CARMIL1: variants seen among roughly 807,000 people sequenced by gnomAD.
CARMIL1 encodes F-actin-uncapping protein LRRC16A.
Under a neutral mutation model 177.1 loss-of-function variants are expected in CARMIL1, and 90 were observed. That is an observed-to-expected ratio of 0.51 (90% confidence interval 0.43 to 0.61). The LOEUF (loss-of-function observed/expected upper bound fraction) is 0.61. Ranked by LOEUF, CARMIL1 falls within the 20% of genes least tolerant of loss-of-function variation. The probability of loss-of-function intolerance (pLI) is 0.00; values close to 1 mark genes in which losing one functional copy is unlikely to be tolerated. For missense variants in CARMIL1, 1,380 were observed against 1,667.0 expected, an observed-to-expected ratio of 0.83 and a Z score of 3.00; for synonymous variants, 577 against 606.2, an observed-to-expected ratio of 0.95 and a Z score of 0.71.
chr6:25,462,352 G>C (rs1800202379), intron 8 of CARMIL1, among the ~76,000 whole-genome samples: 1 of 152,040 alleles, frequency 6.6e-6, no homozygotes, highest in Non-Finnish European at 1.5e-5. Flanking sequence ...TGGTTGTCTT[G>C]ATTAGCACCC....
At chr6:25,315,861 C>T (rs1784235023) in intron 2 of CARMIL1, among the ~76,000 whole-genome samples, 1 of 152,200 alleles carries the variant, frequency 6.6e-6, no homozygotes, top group South Asian at 2.1e-4. Flanking sequence ...AGCGTCATTG[C>T]CAATACTTGG....
chr6:25,375,345 G>A (rs934676822), intron 2 of CARMIL1, among the ~76,000 whole-genome samples: 19 of 152,136 alleles, frequency 1.2e-4, no homozygotes, highest in African/African-American at 1.9e-4. Flanking sequence ...AGGTTTCTGC[G>A]GAGAAGTCTG....
In CARMIL1 at chr6:25,284,043, G is replaced by A. The variant is rs138290260; in HGVS notation, c.41-769G>A. 4.9e-3 allele frequency among the ~76,000 whole-genome samples: 744 copies of A among 152,088 alleles called. 7 individuals carry two copies. Among genetic ancestry groups the A allele is most frequent in the African/African-American group, 0.015 (609 of 41,472 alleles). On this transcript the variant is annotated intron_variant, in intron 1 of 36. Coordinates refer to ENST00000329474, the MANE Select transcript of CARMIL1 (RefSeq NM_017640.6). ...CGGTTCTGTTCTGTTTTGTTTTGCC[G>A]TATTCCCCAAACATCATGTCAAGAC...
chr6:25,332,440 G>A (rs1207711966), intron 2 of CARMIL1, among the ~76,000 whole-genome samples: 1 of 151,918 alleles, frequency 6.6e-6, no homozygotes, highest in Non-Finnish European at 1.5e-5. Flanking sequence ...TAGAGAAGTG[G>A]GTGAGTTCTG....
At chr6:25,293,775 G>A (rs985869274) in intron 2 of CARMIL1, among the ~76,000 whole-genome samples, 4 of 151,324 alleles carry the variant, frequency 2.6e-5, no homozygotes, top group Admixed American at 6.6e-5. Context: ...AGGCTGATGT[G>A]CAGTGGCATG....
chr6:25,317,726 A>G (rs555608452), intron 2 of CARMIL1, among the ~76,000 whole-genome samples: 1 of 146,948 alleles, frequency 6.8e-6, no homozygotes, highest in Non-Finnish European at 1.5e-5. Context: ...TGGGCTAATT[A>G]AAAAAAAAAA....
intron 2 of CARMIL1, among the ~76,000 whole-genome samples, chr6:25,391,383 GA>G (rs1434900159): frequency 6.6e-6 from 1 of 152,172 alleles, no homozygotes; most frequent in African/African-American, 2.4e-5. Context: ...TCTATCCTAG[GA>G]TATGGTGGTG....
intron 2 of CARMIL1, among the ~76,000 whole-genome samples, chr6:25,367,739 C>T (rs1254654245): frequency 2.0e-5 from 3 of 152,110 alleles, no homozygotes; most frequent in Admixed American, 6.5e-5. Flanking sequence ...ATCTACAGAC[C>T]ACCTCTCCTG....
intron 28 of CARMIL1, among the ~76,000 whole-genome samples, chr6:25,555,321 T>C (rs1323328375): frequency 6.6e-6 from 1 of 152,172 alleles, no homozygotes. Flanking sequence ...AAGAGCTACA[T>C]GATTGTTTAG....
At chr6:25,513,321 A>G (rs1225294569) in intron 20 of CARMIL1, among the ~76,000 whole-genome samples, 1 of 152,122 alleles carries the variant, frequency 6.6e-6, no homozygotes, top group Non-Finnish European at 1.5e-5. Flanking sequence ...TGTATGTAGG[A>G]TGTTAAGAAA....
At chr6:25,517,540 G>A in intron 22 of CARMIL1, 125 bp downstream of exon 22, 1 of 679,474 alleles carries the variant, frequency 1.5e-6, no homozygotes, top group South Asian at 1.9e-5. Context: ...TCTGAATTTA[G>A]TCTACAGCTA....
intron 2 of CARMIL1, among the ~76,000 whole-genome samples, chr6:25,380,008 T>TTTTTTTTTTTTTTTTTTTTTTTTTGAG (rs1581738733): frequency 6.6e-6 from 1 of 152,070 alleles, no homozygotes; most frequent in African/African-American, 2.4e-5. Flanking sequence ...TTCTGCTCTT[T>TTTTTTTTTTTTTTTTTTTTTTTTTGAG]AAGGACTCTC....
chr6:25,445,539 T>TC (rs904565156), intron 5 of CARMIL1, among the ~76,000 whole-genome samples: 1 of 150,274 alleles, frequency 6.7e-6, no homozygotes, highest in African/African-American at 2.4e-5. Flanking sequence ...TATATTTCTT[T>TC]TTTTTTTTTT....
intron 2 of CARMIL1, among the ~76,000 whole-genome samples, chr6:25,378,601 CCTT>C (rs1406806993): frequency 2.0e-5 from 3 of 152,110 alleles, no homozygotes; most frequent in African/African-American, 7.2e-5. Flanking sequence ...CAGTGCTACT[CCTT>C]CTCATATACT....
At chr6:25,456,972 T>A (rs1427494004) in intron 8 of CARMIL1, among the ~76,000 whole-genome samples, 3 of 149,614 alleles carry the variant, frequency 2.0e-5, no homozygotes, top group Non-Finnish European at 4.4e-5. Flanking sequence ...TTTTTCCTAA[T>A]CAAAGCTCCA....
intron 2 of CARMIL1, among the ~76,000 whole-genome samples, chr6:25,288,842 A>G (rs968269931): frequency 4.6e-5 from 7 of 152,222 alleles, no homozygotes; most frequent in African/African-American, 7.2e-5. Context: ...CTCAAGTGAA[A>G]TCAGAAATGC....
chr6:25,570,509 T>C (rs1384892577), intron 29 of CARMIL1, among the ~76,000 whole-genome samples: 2 of 152,192 alleles, frequency 1.3e-5, no homozygotes, highest in Non-Finnish European at 2.9e-5. Context: ...CAAGATGAGT[T>C]ATGAGGAATA....
At chr6:25,573,670 TTAAC>T (rs1312592126) in intron 29 of CARMIL1, among the ~76,000 whole-genome samples, 2 of 152,286 alleles carry the variant, frequency 1.3e-5, no homozygotes, top group Admixed American at 1.3e-4. Flanking sequence ...CCTTATTTTT[TTAAC>T]TAACTGGCTT....
At chr6:25,314,887 T>C (rs1485075269) in intron 2 of CARMIL1, among the ~76,000 whole-genome samples, 1 of 152,176 alleles carries the variant, frequency 6.6e-6, no homozygotes, top group East Asian at 1.9e-4. Flanking sequence ...AGCAGCAAAC[T>C]CTGAGAGGGG....
Sources: gnomAD v4.1 joint callset for allele counts (sites outside exome capture counted in the v4.1 genomes callset) on GRCh38, gnomAD v4.1.1 for gene constraint, MANE v1.5 for transcripts, NCBI Gene and HGNC (gene_info 2026-07-23, HGNC 2026-07-21) for gene names.